The following MTUS2 variants were observed in gnomAD, a reference collection of about 807,000 sequenced individuals.
The protein encoded by MTUS2 is microtubule associated scaffold protein 2.
Under a neutral mutation model 114.1 loss-of-function variants are expected in MTUS2, and 40 were observed. That is an observed-to-expected ratio of 0.35 (90% confidence interval 0.27 to 0.46). The LOEUF (loss-of-function observed/expected upper bound fraction) is 0.46. Among genes scored for constraint, MTUS2 ranks in the 20% least tolerant of loss-of-function variants. The pLI is 1.00. For synonymous variants in MTUS2, 688 were observed against 672.0 expected, an observed-to-expected ratio of 1.02 and a Z score of -0.37; for missense variants, 1,679 against 1,705.4, an observed-to-expected ratio of 0.98 and a Z score of 0.27.
At chr13:29,431,648 G>A (rs74698492) in intron 8 of MTUS2, among the ~76,000 whole-genome samples, 10,401 of 152,198 alleles carry the variant, frequency 0.068, 525 homozygotes, top group African/African-American at 0.14. Flanking sequence ...TTGAAGAATG[G>A]GTGGAATTTT....
chr13:29,275,532 C>CA (rs1898032461), intron 5 of MTUS2, among the ~76,000 whole-genome samples: 1 of 152,284 alleles, frequency 6.6e-6, no homozygotes, highest in African/African-American at 2.4e-5. Flanking sequence ...ACTACCCTTC[C>CA]AGCTTCTAAT....
intron 8 of MTUS2, among the ~76,000 whole-genome samples, chr13:29,414,613 AC>A (rs1875533765): frequency 6.6e-6 from 1 of 151,924 alleles, no homozygotes; most frequent in Admixed American, 6.6e-5. Context: ...AATTTTGGGA[AC>A]CTATGTCTTT....
intron 9 of MTUS2, among the ~76,000 whole-genome samples, chr13:29,467,512 G>A (rs1172504739): frequency 6.6e-6 from 1 of 152,060 alleles, no homozygotes; most frequent in Non-Finnish European, 1.5e-5. Flanking sequence ...TGAAAACTCT[G>A]CAAGCCCAAA....
rs956079175 is a variant in MTUS2, at chr13:29,235,631, A to G, written c.2645-46073A>G. On this transcript the variant is annotated intron_variant, in intron 5 of 15. Coordinates refer to ENST00000612955, the MANE Select transcript of MTUS2 (RefSeq NM_001033602.4). ...ATTATCCCGATTCAGATTTTATTCAATCCTTTTTTTTCAATCAAGAATAAA... is the reference window on the plus strand; with the variant it reads ...ATTATCCCGATTCAGATTTTATTCAGTCCTTTTTTTTCAATCAAGAATAAA... Among the ~76,000 whole-genome samples the G allele has an allele frequency of 1.1e-4, 17 of 152,118 alleles. 1 individual carries two copies. Among genetic ancestry groups the G allele is most frequent in the Admixed American group, 2.6e-4 (4 of 15,274 alleles).
chr13:29,027,734 G>C (rs990620260), intron 3 of MTUS2, among the ~76,000 whole-genome samples: 1 of 151,968 alleles, frequency 6.6e-6, no homozygotes, highest in Non-Finnish European at 1.5e-5. Flanking sequence ...TGTATTTTTA[G>C]TAGAGATGGG....
chr13:29,307,251 A>G (rs3011456), intron 6 of MTUS2: 509,354 of 624,118 alleles, frequency 0.82, 211,297 homozygotes, highest in Admixed American at 0.9. Flanking sequence ...ATTGCTTAGC[A>G]CCCCTGGCCA....
chr13:28,840,645 G>A (rs889334414), intron 2 of MTUS2, among the ~76,000 whole-genome samples: 8 of 152,306 alleles, frequency 5.3e-5, no homozygotes, highest in Non-Finnish European at 8.8e-5. Flanking sequence ...CGATGCCTCC[G>A]TAAACATGGT....
chr13:28,890,079 A>T (rs1183603999), intron 2 of MTUS2, among the ~76,000 whole-genome samples: 1 of 152,200 alleles, frequency 6.6e-6, no homozygotes, highest in African/African-American at 2.4e-5. Flanking sequence ...TCCCTGGAAC[A>T]TCCTTATTTT....
intron 5 of MTUS2, among the ~76,000 whole-genome samples, chr13:29,161,017 A>T (rs1893074371): frequency 6.6e-6 from 1 of 152,212 alleles, no homozygotes; most frequent in East Asian, 1.9e-4. Context: ...GTAGGGTGGG[A>T]TGGCTGGAGG....
chr13:29,114,861 A>C (rs1022939938), intron 5 of MTUS2, among the ~76,000 whole-genome samples: 2 of 152,228 alleles, frequency 1.3e-5, no homozygotes, highest in Non-Finnish European at 2.9e-5. Flanking sequence ...GCAATGCCAG[A>C]TTACTTCTGA....
At chr13:28,862,854 A>G (rs1467057015) in intron 2 of MTUS2, among the ~76,000 whole-genome samples, 1 of 152,254 alleles carries the variant, frequency 6.6e-6, no homozygotes, top group African/African-American at 2.4e-5. Context: ...TTAAACATGT[A>G]TGAAAAAGAA....
intron 9 of MTUS2, among the ~76,000 whole-genome samples, chr13:29,451,615 G>A (rs1878688257): frequency 1.4e-5 from 2 of 147,156 alleles, no homozygotes; most frequent in African/African-American, 5.1e-5. Context: ...ATGGAGTTTT[G>A]CTCTTGTTGC....
At chr13:29,497,047 G>C (rs1882595355) in intron 12 of MTUS2, among the ~76,000 whole-genome samples, 191 bp from the exon 13 acceptor site, 1 of 152,118 alleles carries the variant, frequency 6.6e-6, no homozygotes, top group Non-Finnish European at 1.5e-5. Context: ...GCCGAGGGCA[G>C]GCGTTGGGGG....
chr13:28,981,129 T>A (rs1469232421), intron 2 of MTUS2, among the ~76,000 whole-genome samples: 2 of 152,242 alleles, frequency 1.3e-5, no homozygotes, highest in African/African-American at 2.4e-5. Flanking sequence ...TATGAATGTA[T>A]GTAGTGCCAT....
chr13:29,270,385 T>C (rs1217943415), intron 5 of MTUS2, among the ~76,000 whole-genome samples: 1 of 152,148 alleles, frequency 6.6e-6, no homozygotes, highest in Admixed American at 6.5e-5. Context: ...CTCTGCCGCA[T>C]GCCTGTCACA....
rs1286092974 is a variant in MTUS2, at chr13:29,503,375, G to A, written c.*169G>A. 1.5e-6 allele frequency: 1 copy of A among 683,184 alleles called. No homozygotes were observed. The highest frequency in any genetic ancestry group is 2.7e-5 in the East Asian group (1 of 36,772). The allele number at this position is 683,184 out of a possible 1,614,324, so 42.3% of individuals were successfully genotyped here. ...CCCGTGTAAGACTGCCCTGGTGTCG[G>A]CACTTAGGAATGTGTAAATGGTAAA... On this transcript the variant is annotated 3_prime_UTR_variant, in exon 16 of 16. Coordinates refer to ENST00000612955, the MANE Select transcript of MTUS2 (RefSeq NM_001033602.4).
At chr13:29,393,398 A>G (rs1873658620) in intron 8 of MTUS2, among the ~76,000 whole-genome samples, 1 of 152,104 alleles carries the variant, frequency 6.6e-6, no homozygotes, top group Non-Finnish European at 1.5e-5. Context: ...AAAAACTTTT[A>G]CTTTAGCGTC....
At position 29,380,922 on chromosome 13, in the gene MTUS2, CAAAAAAAAAAAAAA is replaced by C. The variant is rs1220256945; in HGVS notation, c.3117+21462_3117+21475del. Among the ~76,000 whole-genome samples the C allele has an allele frequency of 2.4e-4, 2 of 8,166 alleles. 1 individual carries two copies. The highest frequency in any genetic ancestry group is 9.0e-4 in the Non-Finnish European group (2 of 2,228). 5.4% of individuals were successfully genotyped at this position (8,166 alleles called of 152,430 possible). On this transcript the variant is annotated intron_variant, in intron 8 of 15. Coordinates refer to ENST00000612955, the MANE Select transcript of MTUS2 (RefSeq NM_001033602.4). The stretch of plus-strand genomic sequence containing the variant: ...TGGGCGACAGAGCGAGACTCCGTCT[CAAAAAAAAAAAAAA>C]AAAAAAAAAAAAGACATCAGCTTTG...
chr13:28,935,532 A>G (rs1022391281), intron 2 of MTUS2, among the ~76,000 whole-genome samples: 2 of 151,906 alleles, frequency 1.3e-5, no homozygotes, highest in Admixed American at 6.6e-5. Flanking sequence ...TAGTTCCATT[A>G]TACACATATG....
Sources: gnomAD v4.1 joint callset for allele counts (sites outside exome capture counted in the v4.1 genomes callset) on GRCh38, gnomAD v4.1.1 for gene constraint, MANE v1.5 for transcripts, NCBI Gene and HGNC (gene_info 2026-07-23, HGNC 2026-07-21) for gene names.